Variants in PRRC2B observed in about 807,000 individuals in gnomAD.
The protein encoded by PRRC2B is protein PRRC2B.
In PRRC2B, 68 loss-of-function variants were observed where a neutral mutation model predicts 242.3. The observed-to-expected ratio is 0.28, with a 90% CI of 0.23 to 0.34. PRRC2B has a LOEUF of 0.34. PRRC2B is among the 10% of genes least tolerant of loss of function. The pLI, the probability that PRRC2B is intolerant of heterozygous loss-of-function variation, is 1.00. For synonymous variants in PRRC2B, 1,228 were observed against 1,173.6 expected (o/e 1.05, Z -0.95); for missense variants, 2,835 against 2,954.8 (o/e 0.96, Z 0.94).
intron 1 of PRRC2B, among the ~76,000 whole-genome samples, chr9:131,383,196 C>T (rs966281171): frequency 3.0e-4 from 45 of 152,070 alleles, no homozygotes; most frequent in Non-Finnish European, 5.9e-5. Context: ...GAATCCATTT[C>T]CCCCTGGAAT....
chr9:131,406,298 A>T (rs1026154488), intron 1 of PRRC2B, among the ~76,000 whole-genome samples: 4 of 152,204 alleles, frequency 2.6e-5, no homozygotes, highest in African/African-American at 9.7e-5. Context: ...GCTCTTCTGT[A>T]CATCTCTCCA....
At position 131,487,980 on chromosome 9, in the gene PRRC2B, C is replaced by T. The variant is rs1564302085; in HGVS notation, c.6109C>T (p.Gln2037Ter). Residue 2037 changes from glutamine (Q) to a stop codon, truncating the protein, a stop_gained, in exon 28 of 32, where the codon CAG (glutamine) becomes TAG (stop). Transcript: ENST00000683519. LOFTEE classifies it high-confidence loss of function. This position sits in a 1 kb window ranked among gnomAD's most constrained non-coding sequence, Gnocchi z 5.3. The stretch of plus-strand genomic sequence containing the variant: ...GCAGCCCTTGGAGATGGTGAAGCCG[C>T]AGTCTGGCTCACCCTACCAGCCCAT... ...GMQPLEMVKP[Q>*]SGSPYQPMSG... The T allele has an allele frequency of 6.2e-7, 1 of 1,612,414 alleles. No homozygotes were observed.
At chr9:131,410,551 C>G (rs183154788) in intron 1 of PRRC2B, among the ~76,000 whole-genome samples, 1 of 152,344 alleles carries the variant, frequency 6.6e-6, no homozygotes, top group Admixed American at 6.5e-5. Flanking sequence ...TCACATCACC[C>G]CGGGTTCAGG....
rs753632679 is a variant in PRRC2B, at chr9:131,495,750, G to A, written c.6566G>A (p.Arg2189Gln). The change falls in exon 32 of 32, where the codon CGA becomes CAA. Residue 2189 changes from arginine to glutamine, a missense_variant. Physicochemically the swap from Arg to Gln is conservative, Grantham distance 43. Coordinates refer to ENST00000683519, the MANE Select transcript of PRRC2B (RefSeq NM_013318.4). Reference protein sequence around the residue: ...QGHYVQQAKQRVDEKPSLGAV... With the variant: ...QGHYVQQAKQQVDEKPSLGAV... Reference sequence around the variant, plus strand: ...TTCATCTGTCCAAAGGCAAAACAACGAGTGGATGAGAAACCCAGCCTGGGA... The same window carrying A: ...TTCATCTGTCCAAAGGCAAAACAACAAGTGGATGAGAAACCCAGCCTGGGA... The A allele has an allele frequency of 9.3e-6, 15 of 1,611,038 alleles. No individual in the cohort carries two copies. The highest frequency in any genetic ancestry group is 1.2e-5 in the Non-Finnish European group (14 of 1,177,596).
At chr9:131,473,052 G>C (rs1330723144) in intron 14 of PRRC2B, among the ~76,000 whole-genome samples, 3 of 152,208 alleles carry the variant, frequency 2.0e-5, no homozygotes, top group East Asian at 1.9e-4. Flanking sequence ...ATTCCTGGGA[G>C]GGGGACAATT....
At chr9:131,390,703 C>T (rs1370303367), upstream of PRRC2B, among the ~76,000 whole-genome samples, 192 of 148,628 alleles carry the variant, frequency 1.3e-3, 1 homozygote, top group African/African-American at 4.1e-3. Context: ...AGGATGGTCT[C>T]GATCTCTTGA....
intron 1 of PRRC2B, among the ~76,000 whole-genome samples, chr9:131,410,279 T>C (rs1564276112): frequency 6.6e-6 from 1 of 152,092 alleles, no homozygotes; most frequent in Non-Finnish European, 1.5e-5. Context: ...ACCCTGTGGG[T>C]GAGGAGCCCA....
At chr9:131,393,929 C>G (rs1406088095), upstream of PRRC2B, among the ~76,000 whole-genome samples, 3 of 151,196 alleles carry the variant, frequency 2.0e-5, no homozygotes, top group Non-Finnish European at 4.5e-5. Flanking sequence ...AGCCCTCGCC[C>G]GGCCCCCGGG....
chr9:131,460,942 C>CG (rs1188743515), intron 11 of PRRC2B, among the ~76,000 whole-genome samples: 1 of 152,096 alleles, frequency 6.6e-6, no homozygotes, highest in African/African-American at 2.4e-5. Flanking sequence ...CGGACAGTTG[C>CG]GGGGAATGTA....
rs547241023 is a variant in PRRC2B, at chr9:131,440,125, T to G, written c.469+1064T>G. Among the ~76,000 whole-genome samples, 39 of 152,276 alleles carry G rather than the reference T, an allele frequency of 2.6e-4. 1 individual carries two copies. In the South Asian group the frequency reaches 2.9e-3, roughly 11 times the overall value. ...TCTCACTATGTTGCTCAGGCTGGTC[T>G]CCAACTCCTGGGCTCAAATGATCCT... is the stretch of plus-strand genomic sequence containing the variant. On this transcript the variant is annotated intron_variant, in intron 5 of 31. Coordinates refer to ENST00000683519, the MANE Select transcript of PRRC2B (RefSeq NM_013318.4).
In PRRC2B at chr9:131,496,549, A is replaced by G. The variant is rs1245073675; in HGVS notation, c.*675A>G. The G allele has an allele frequency of 6.7e-6, 1 of 150,116 alleles. No individual in the cohort carries two copies. Among genetic ancestry groups the G allele is most frequent in the Non-Finnish European group, 1.5e-5 (1 of 67,676 alleles). The allele number at this position is 150,116 out of a possible 1,614,324, so 9.3% of individuals were successfully genotyped here. ...AAAAGAAAAGGAGGTTCTTGAGGGC[A>G]CCGATTGCGAGCATTCTGGTGCCTG... is the stretch of plus-strand genomic sequence containing the variant. On this transcript the variant is annotated 3_prime_UTR_variant, in exon 32 of 32. Transcript: ENST00000683519.
chr9:131,481,583 G>C (rs927406886), intron 19 of PRRC2B, 143 bp from the exon 20 acceptor site: 2 of 670,174 alleles, frequency 3.0e-6, no homozygotes, highest in East Asian at 2.7e-5. Flanking sequence ...GGTGTCACGG[G>C]TAGGGGGCTG....
intron 10 of PRRC2B, among the ~76,000 whole-genome samples, chr9:131,455,510 C>CTT (rs148974781): frequency 1.4e-4 from 12 of 86,988 alleles, no homozygotes; most frequent in African/African-American, 5.4e-4. Flanking sequence ...GGTTCAACTT[C>CTT]TTTTTTTTTT....
In PRRC2B at chr9:131,436,605, C is replaced by T. The variant is rs759065358; in HGVS notation, c.294-15C>T. On this transcript the variant is annotated splice_polypyrimidine_tract_variant and intron_variant, in intron 3 of 31. Transcript: ENST00000683519. ...TCTGTGCGGTGCCTGACCCCACTGC[C>T]CTGCCTTTGTCTAGTTCCAGTGCGA... 2.5e-6 allele frequency: 4 copies of T among 1,609,530 alleles called. No homozygotes were observed. The highest frequency in any genetic ancestry group is 3.4e-6 in the Non-Finnish European group (4 of 1,177,134).
intron 13 of PRRC2B, among the ~76,000 whole-genome samples, 199 bp from the exon 14 acceptor site, chr9:131,470,589 T>C (rs1014992819): frequency 2.6e-5 from 4 of 152,096 alleles, no homozygotes; most frequent in African/African-American, 9.7e-5. Flanking sequence ...CCACCAGCCT[T>C]GGACAGGGAC....
At chr9:131,393,727 C>T (rs1836947197), upstream of PRRC2B, among the ~76,000 whole-genome samples, 1 of 151,660 alleles carries the variant, frequency 6.6e-6, no homozygotes, top group African/African-American at 2.4e-5. Context: ...GGCGCCCTTC[C>T]CCCGGGCCCA....
rs1836840110 is a variant in PRRC2B at position 131,387,417 on chromosome 9, A to G, written c.-56+13686A>G. 1.3e-5 allele frequency among the ~76,000 whole-genome samples: 2 copies of G among 149,662 alleles called. 1 individual carries two copies. The highest frequency in any genetic ancestry group is 3.0e-5 in the Non-Finnish European group (2 of 67,422). ...TCCCCGGCCACTGACTCAAATGTTA[A>G]TCTCTTTTGGCAACACCCTCACAGA... On this transcript the variant is annotated intron_variant, in intron 1 of 1. Coordinates refer to the PRRC2B transcript ENST00000682525.
chr9:131,472,157 T>A (rs1943564678), intron 14 of PRRC2B, among the ~76,000 whole-genome samples: 1 of 152,244 alleles, frequency 6.6e-6, no homozygotes, highest in South Asian at 2.1e-4. Flanking sequence ...TGAAGTCTTT[T>A]GTTCCAATTT....
At chr9:131,444,400 A>T in intron 6 of PRRC2B, 72 bp downstream of exon 6, 1 of 1,509,198 alleles carries the variant, frequency 6.6e-7, no homozygotes, top group Non-Finnish European at 9.0e-7. Flanking sequence ...TGCACTCCTA[A>T]AAGGGTGCTG....
Sources: allele counts gnomAD v4.1 joint callset (sites outside exome capture counted in the v4.1 genomes callset), GRCh38; gene constraint gnomAD v4.1.1; non-coding constraint Gnocchi (gnomAD v3.1); transcripts MANE v1.5; gene names NCBI Gene and HGNC (gene_info 2026-07-23, HGNC 2026-07-21).